The following GLG1 variants were observed in gnomAD, a reference collection of about 807,000 sequenced individuals.
The protein encoded by GLG1 is golgi glycoprotein 1.
Under a neutral mutation model 160.5 loss-of-function variants are expected in GLG1, and 38 were observed. The ratio of observed to expected loss-of-function variants is 0.24; its 90% CI spans 0.18 to 0.31. The LOEUF is 0.31. GLG1 is among the 10% of genes least tolerant of loss of function. The pLI is 1.00. For synonymous variants in GLG1, 644 were observed against 543.4 expected, an observed-to-expected ratio of 1.19 and a Z score of -2.57; for missense variants, 1,373 against 1,505.2, an observed-to-expected ratio of 0.91 and a Z score of 1.45.
At chr16:74,498,463 T>TATATATATATATATATATATATAG (rs2016287794) in intron 4 of GLG1, among the ~76,000 whole-genome samples, 1 of 104,114 alleles carries the variant, frequency 9.6e-6, no homozygotes, top group Non-Finnish European at 1.9e-5. Context: ...TATATATATA[T>TATATATATATATATATATATATAG]ATATTATATT....
intron 1 of GLG1, among the ~76,000 whole-genome samples, chr16:74,574,672 C>A (rs2018934138): frequency 6.6e-6 from 1 of 151,372 alleles, no homozygotes; most frequent in African/African-American, 2.4e-5. Context: ...CATTTGAGGC[C>A]AGGAGTTTGA....
chr16:74,598,665 G>T (rs2143900552), intron 1 of GLG1, among the ~76,000 whole-genome samples: 1 of 152,020 alleles, frequency 6.6e-6, no homozygotes, highest in South Asian at 2.1e-4. Context: ...GACTGAGGTG[G>T]GTGGATTGCC....
chr16:74,532,648 C>A (rs1160453760), intron 1 of GLG1, among the ~76,000 whole-genome samples: 6 of 152,002 alleles, frequency 3.9e-5, no homozygotes, highest in African/African-American at 1.4e-4. Flanking sequence ...CTCAGGCTCC[C>A]GAGTAGCTGG....
At chr16:74,524,135 G>A (rs1431311477) in intron 2 of GLG1, among the ~76,000 whole-genome samples, 3 of 152,128 alleles carry the variant, frequency 2.0e-5, no homozygotes, top group Non-Finnish European at 4.4e-5. Flanking sequence ...CTTGAACCCA[G>A]GAGGTGGAGA....
chr16:74,597,758 G>T (rs1321016147), intron 1 of GLG1, among the ~76,000 whole-genome samples: 2 of 151,618 alleles, frequency 1.3e-5, no homozygotes, highest in African/African-American at 4.8e-5. Flanking sequence ...GGAGGCTGAA[G>T]CAGGAGAATG....
At chr16:74,559,522 TA>T (rs2018449443) in intron 1 of GLG1, among the ~76,000 whole-genome samples, 1 of 152,042 alleles carries the variant, frequency 6.6e-6, no homozygotes, top group South Asian at 2.1e-4. Flanking sequence ...CAAATAAAAA[TA>T]TAACTCTTCC....
intron 23 of GLG1, among the ~76,000 whole-genome samples, chr16:74,458,778 AG>A (rs1482473922): frequency 6.6e-6 from 1 of 152,274 alleles, no homozygotes; most frequent in Non-Finnish European, 1.5e-5. Flanking sequence ...CAGAAAGGAC[AG>A]GGCATAACAT....
chr16:74,498,155 C>G (rs546732746), intron 4 of GLG1, among the ~76,000 whole-genome samples: 1 of 151,396 alleles, frequency 6.6e-6, no homozygotes, highest in African/African-American at 2.4e-5. Flanking sequence ...GCTATTAGCC[C>G]GGCACGATGG....
chr16:74,463,463 G>A lies in GLG1; in HGVS notation c.2684C>T (p.Ala895Val). The A allele has an allele frequency of 6.2e-7, 1 of 1,613,864 alleles. No individual in the cohort carries two copies. Among genetic ancestry groups the A allele is most frequent in the Non-Finnish European group, 8.5e-7 (1 of 1,179,748 alleles). ...GCACTGCAACATGGTTTTAGAATCT[G>A]CTTCCGGACAGAACCTCTGCAAAGA... ...KQMIKRFCPE[A>V]DSKTMLQCLK... The change falls in exon 20 of 26, where the codon GCA becomes GTA. Residue 895 changes from alanine to valine, a missense_variant. Ala to Val is a moderately conservative substitution (Grantham distance 64). Around this residue, in one of 4 missense-constraint regions of GLG1, gnomAD observed 491 missense variants for 632.1 expected, o/e 0.78. Coordinates refer to ENST00000422840, the MANE Select transcript of GLG1 (RefSeq NM_001145667.2).
chr16:74,542,689 G>A (rs1476197391), intron 1 of GLG1, among the ~76,000 whole-genome samples: 1 of 71,928 alleles, frequency 1.4e-5, no homozygotes, highest in Admixed American at 1.7e-4. Context: ...AAAAGGGAAG[G>A]GAAGGAGGGA....
At chr16:74,517,277 C>T (rs1228497799) in intron 2 of GLG1, among the ~76,000 whole-genome samples, 1 of 152,142 alleles carries the variant, frequency 6.6e-6, no homozygotes, top group Non-Finnish European at 1.5e-5. Flanking sequence ...TATCCCTGAT[C>T]AACATCTAGC....
At chr16:74,521,038 A>G (rs1420343117) in intron 2 of GLG1, among the ~76,000 whole-genome samples, 2 of 152,180 alleles carry the variant, frequency 1.3e-5, no homozygotes, top group South Asian at 2.1e-4. Flanking sequence ...ATGGGGTACT[A>G]TTTTCCATAA....
chr16:74,542,731 A>AAGGG (rs1567513897), intron 1 of GLG1, among the ~76,000 whole-genome samples: 2 of 99,864 alleles, frequency 2.0e-5, no homozygotes, highest in Non-Finnish European at 4.0e-5. Context: ...GGAAGGAAGG[A>AAGGG]AGGGAGGAAG....
chr16:74,591,038 A>G (rs1431042062), intron 1 of GLG1, among the ~76,000 whole-genome samples: 2 of 152,156 alleles, frequency 1.3e-5, no homozygotes, highest in Non-Finnish European at 2.9e-5. Flanking sequence ...TACTTCTGAA[A>G]GAAGACTTAC....
At chr16:74,576,477 A>G (rs368525865) in intron 1 of GLG1, among the ~76,000 whole-genome samples, 6 of 152,330 alleles carry the variant, frequency 3.9e-5, no homozygotes, top group South Asian at 2.1e-4. Flanking sequence ...GAGGCATACC[A>G]TACTTATTTT....
chr16:74,577,961 C>T (rs541448065), intron 1 of GLG1, among the ~76,000 whole-genome samples: 97 of 151,964 alleles, frequency 6.4e-4, no homozygotes, highest in African/African-American at 2.2e-3. Context: ...TTACTTGAGG[C>T]CAGGAGTTCA....
intron 2 of GLG1, among the ~76,000 whole-genome samples, chr16:74,515,164 C>T (rs932889116): frequency 6.6e-6 from 1 of 152,118 alleles, no homozygotes. Flanking sequence ...TAGAGACCTA[C>T]AAAGAGACTT....
At chr16:74,549,048 T>G (rs913815245) in intron 1 of GLG1, among the ~76,000 whole-genome samples, 1 of 152,168 alleles carries the variant, frequency 6.6e-6, no homozygotes, top group African/African-American at 2.4e-5. Flanking sequence ...CATTTGCCAA[T>G]CAGCAAATGA....
In GLG1 at chr16:74,579,425, A is replaced by C. The variant is rs371735567; in HGVS notation, c.438+27232T>G. On this transcript the variant is annotated intron_variant, in intron 1 of 25. Coordinates refer to ENST00000422840, the MANE Select transcript of GLG1 (RefSeq NM_001145667.2). ...AATGAGAACTTGTCTCAAAACAAAC[A>C]AACAAAAAACCCTTGGCCAGGCGCA... Among the ~76,000 whole-genome samples, 6 of 152,206 alleles carry C rather than the reference A, an allele frequency of 3.9e-5. No individual in the cohort carries two copies. The East Asian group carries it at 1.2e-3, about 29-fold the overall frequency.
Sources: gnomAD v4.1 joint callset for allele counts (sites outside exome capture counted in the v4.1 genomes callset) on GRCh38, gnomAD v4.1.1 for gene constraint, gnomAD v4.1.1 regional missense constraint, MANE v1.5 for transcripts, NCBI Gene and HGNC (gene_info 2026-07-23, HGNC 2026-07-21) for gene names.